Variants in SPTB observed in about 807,000 individuals in gnomAD.
SPTB encodes spectrin beta chain, erythrocytic.
A neutral mutation model predicts 256.2 loss-of-function variants in SPTB; 45 were observed. The observed-to-expected ratio is 0.18, with a 90% CI of 0.14 to 0.23. The LOEUF is 0.23. SPTB is among the 10% of genes least tolerant of loss of function. The probability of loss-of-function intolerance (pLI) is 1.00; values close to 1 mark genes in which losing one functional copy is unlikely to be tolerated. For missense variants in SPTB, 2,715 were observed against 3,040.4 expected, an observed-to-expected ratio of 0.89 and a Z score of 2.52; for synonymous variants, 1,231 against 1,243.1, an observed-to-expected ratio of 0.99 and a Z score of 0.21.
chr14:64,865,938 A>G (rs1882159331), intron 1 of SPTB, among the ~76,000 whole-genome samples: 1 of 152,166 alleles, frequency 6.6e-6, no homozygotes, highest in Non-Finnish European at 1.5e-5. Flanking sequence ...AGATTTCCCA[A>G]CAGTTCCAGA....
chr14:64,820,059 T>G (rs1441542033), intron 2 of SPTB, among the ~76,000 whole-genome samples: 2 of 152,090 alleles, frequency 1.3e-5, no homozygotes, highest in African/African-American at 4.8e-5. Flanking sequence ...GACCTTCAGT[T>G]TCAGAAGAAG....
At chr14:64,798,836 T>G (rs148035412) in intron 9 of SPTB, among the ~76,000 whole-genome samples, 2 of 152,116 alleles carry the variant, frequency 1.3e-5, no homozygotes, top group Non-Finnish European at 2.9e-5. Flanking sequence ...GTGTGGGAGA[T>G]GGGGGGAAGA....
At position 64,749,025 on chromosome 14, in the gene SPTB, G is replaced by A. The variant is rs2081895885; in HGVS notation, c.*281C>T. 2.8e-6 allele frequency: 1 copy of A among 353,296 alleles called. No individual in the cohort carries two copies. The highest frequency in any genetic ancestry group is 2.9e-5 in the South Asian group (1 of 34,120). The allele number at this position is 353,296 out of a possible 1,614,324, so 21.9% of individuals were successfully genotyped here. On this transcript the variant is annotated 3_prime_UTR_variant, in exon 36 of 36. Transcript: ENST00000644917. This position sits in a 1 kb window ranked among gnomAD's most constrained non-coding sequence, Gnocchi z 4.7. The stretch of plus-strand genomic sequence containing the variant: ...GGGAGAGGAGGGCGTGTGCCTCAGA[G>A]AACCGTTTCCTGCCCCCAGGCCTGG...
chr14:64,877,936 A>G (rs1882902368), intron 1 of SPTB, among the ~76,000 whole-genome samples: 1 of 152,198 alleles, frequency 6.6e-6, no homozygotes, highest in South Asian at 2.1e-4. Context: ...CATTGATCAG[A>G]GCCAAAGGTG....
At chr14:64,780,786 A>G (rs229642) in intron 20 of SPTB, among the ~76,000 whole-genome samples, 51,912 of 152,136 alleles carry the variant, frequency 0.34, 11,225 homozygotes, top group African/African-American at 0.61. Context: ...AAGCAAAAAG[A>G]ACAAAGCTGG....
At chr14:64,812,913 T>G (rs1472097454) in intron 2 of SPTB, among the ~76,000 whole-genome samples, 5 of 152,200 alleles carry the variant, frequency 3.3e-5, no homozygotes, top group Non-Finnish European at 7.3e-5. Context: ...AAAATTTGCT[T>G]TCAACAATAG....
chr14:64,801,265 CA>C lies in SPTB; in HGVS notation c.763+19del. ...CCCCCACTGCTGCAGCAAAGGCTGG[CA>C]GGGGTGGGTGTGGCTCACCTTCGGG... On this transcript the variant is annotated intron_variant, in intron 7 of 35. Transcript: ENST00000644917. The C allele has an allele frequency of 6.3e-7, 1 of 1,598,176 alleles. No individual in the cohort carries two copies. The highest frequency in any genetic ancestry group is 8.6e-7 in the Non-Finnish European group (1 of 1,166,244).
chr14:64,833,069 T>C (rs1466517771), intron 1 of SPTB, among the ~76,000 whole-genome samples: 1 of 152,196 alleles, frequency 6.6e-6, no homozygotes, highest in African/African-American at 2.4e-5. Context: ...CTGATTACTA[T>C]TTCCATCCAA....
intron 33 of SPTB, among the ~76,000 whole-genome samples, chr14:64,750,547 G>A (rs574905405): frequency 1.3e-4 from 19 of 151,934 alleles, no homozygotes; most frequent in Middle Eastern, 6.8e-3. Context: ...AGGCCGAGGC[G>A]GGCGGACCGC....
intron 1 of SPTB, among the ~76,000 whole-genome samples, chr14:64,835,622 C>G (rs907026765): frequency 6.6e-6 from 1 of 152,168 alleles, no homozygotes; most frequent in Non-Finnish European, 1.5e-5. Flanking sequence ...TCGATTCAGC[C>G]CTGTGCTGGG....
intron 1 of SPTB, among the ~76,000 whole-genome samples, chr14:64,842,298 A>G (rs938623772): frequency 6.7e-6 from 1 of 149,472 alleles, no homozygotes; most frequent in South Asian, 2.1e-4. Flanking sequence ...TCCTTCGTTC[A>G]GCAAGGGCTG....
chr14:64,772,560 C>A lies in SPTB; in HGVS notation c.5553+20G>T, dbSNP rs776569471. The A allele has an allele frequency of 3.1e-6, 5 of 1,601,198 alleles. No individual in the cohort carries two copies. Among genetic ancestry groups the A allele is most frequent in the South Asian group, 1.1e-5 (1 of 90,924 alleles). On this transcript the variant is annotated intron_variant, in intron 26 of 35. Coordinates refer to ENST00000644917, the MANE Select transcript of SPTB (RefSeq NM_001355436.2). The surrounding 1 kb of genome is among the most constrained non-coding windows in gnomAD (Gnocchi z 5.4). Reference sequence around the variant, plus strand: ...CTCCTGGAAATTGGTAGCAGGTGGGCGGCAGGGGGCTGAAGGTACCTGGAC... The same window carrying A: ...CTCCTGGAAATTGGTAGCAGGTGGGAGGCAGGGGGCTGAAGGTACCTGGAC...
Position 64,750,141 on chromosome 14 carries a change from G to C in SPTB, c.6616C>G (p.Leu2206Val). 1 of 1,612,612 alleles carries C rather than the reference G, an allele frequency of 6.2e-7. No homozygotes were observed. Among genetic ancestry groups the C allele is most frequent in the Non-Finnish European group, 8.5e-7 (1 of 1,178,704 alleles). The change falls in exon 34 of 36, where the codon CTG (leucine) becomes GTG (valine). Residue 2206 changes from leucine to valine, a missense_variant. Physicochemically the swap from Leu to Val is conservative, Grantham distance 32. This residue lies in a region of SPTB where 2,239 missense variants were observed against 2,384.4 expected (regional missense o/e 0.94). Coordinates refer to ENST00000644917, the MANE Select transcript of SPTB (RefSeq NM_001355436.2). Reference sequence around the variant, plus strand: ...TCACTGTTCCTGAGCACACAGTACAGGTTGTTCCAGGACCTGCAAAGATGC... The same window carrying C: ...TCACTGTTCCTGAGCACACAGTACACGTTGTTCCAGGACCTGCAAAGATGC... ...KKASNRSWNN[L>V]YCVLRNSELT...
In SPTB at chr14:64,844,836, A is replaced by G. The variant is rs2083664542; in HGVS notation, c.-51-21691T>C. Among the ~76,000 whole-genome samples the G allele has an allele frequency of 6.6e-6, 1 of 152,222 alleles. No homozygotes were observed. The highest frequency in any genetic ancestry group is 1.5e-5 in the Non-Finnish European group (1 of 68,040). ...CATTCCAGAGATTCCACCTGATCTC[A>G]GTGTTTGGAAAGATGTCTGCCTCCC... is the stretch of plus-strand genomic sequence containing the variant. On this transcript the variant is annotated intron_variant, in intron 1 of 35. Transcript: ENST00000644917. The surrounding 1 kb of genome is among the most constrained non-coding windows in gnomAD (Gnocchi z 4.1).
At chr14:64,773,446 G>A (rs775678798) in intron 24 of SPTB, 22 bp from the exon 25 acceptor site, 2 of 1,611,964 alleles carry the variant, frequency 1.2e-6, no homozygotes, top group African/African-American at 1.3e-5. Context: ...AACCAAAAAG[G>A]CCCTCAGAGA....
chr14:64,749,910 G>A lies in SPTB; in HGVS notation c.6776+71C>T. 2 of 1,600,046 alleles carry A rather than the reference G, an allele frequency of 1.2e-6. No homozygotes were observed. Among genetic ancestry groups the A allele is most frequent in the Non-Finnish European group, 1.7e-6 (2 of 1,167,498 alleles). On this transcript the variant is annotated intron_variant, in intron 34 of 35. Coordinates refer to ENST00000644917, the MANE Select transcript of SPTB (RefSeq NM_001355436.2). This position sits in a 1 kb window ranked among gnomAD's most constrained non-coding sequence, Gnocchi z 4.7. ...AGGCCTGGCACTGGTCCCCTACAGA[G>A]GGCCTCTGCCCTGCCACTAATGCCA... is the stretch of plus-strand genomic sequence containing the variant.
Position 64,823,052 on chromosome 14 carries a change from G to A in SPTB, c.43C>T (p.Pro15Ser), listed in dbSNP as rs2083321814. 6.2e-7 allele frequency: 1 copy of A among 1,614,170 alleles called. No homozygotes were observed. The highest frequency in any genetic ancestry group is 8.5e-7 in the Non-Finnish European group (1 of 1,180,040). Residue 15 changes from proline to serine, a missense_variant, in exon 2 of 36, where the codon CCT (proline) becomes TCT (serine). Pro to Ser is a moderately conservative substitution (Grantham distance 74). This residue lies in a region of SPTB where 58 missense variants were observed against 67.9 expected (regional missense o/e 0.85). Coordinates refer to ENST00000644917, the MANE Select transcript of SPTB (RefSeq NM_001355436.2). This position sits in a 1 kb window ranked among gnomAD's most constrained non-coding sequence, Gnocchi z 6.5. ...CAGCGGGCATTGATCCTGCTGTAAG[G>A]TGGCTGGTTGCCCACATTTTCAAAC... ...TEFENVGNQP[P>S]YSRINARWDA...
At chr14:64,810,157 GA>G (rs2083061390) in intron 2 of SPTB, among the ~76,000 whole-genome samples, 1 of 152,318 alleles carries the variant, frequency 6.6e-6, no homozygotes, top group Admixed American at 6.5e-5. Context: ...ACTAGCATAT[GA>G]AAAGATGGAT....
chr14:64,782,739 T>A (rs1216184714), intron 19 of SPTB, among the ~76,000 whole-genome samples, 186 bp from the exon 20 acceptor site: 1 of 151,704 alleles, frequency 6.6e-6, no homozygotes, highest in Non-Finnish European at 1.5e-5. Context: ...GTCCAAACTT[T>A]TGGCTTCCCT....
Sources: allele counts gnomAD v4.1 joint callset (sites outside exome capture counted in the v4.1 genomes callset), GRCh38; gene constraint gnomAD v4.1.1; regional missense constraint gnomAD v4.1.1; non-coding constraint Gnocchi (gnomAD v3.1); transcripts MANE v1.5; gene names NCBI Gene and HGNC (gene_info 2026-07-23, HGNC 2026-07-21).